Variants in GRXCR1 observed in about 807,000 individuals in gnomAD.
GRXCR1 encodes glutaredoxin domain-containing cysteine-rich protein 1.
GRXCR1 carries 27 observed loss-of-function variants against 27.3 expected under a neutral mutation model. That is an observed-to-expected ratio of 0.99 (90% CI 0.73 to 1.37). The LOEUF is 1.37. Among genes scored for constraint, GRXCR1 ranks in the 40% most tolerant of loss-of-function variants. The pLI, the probability that GRXCR1 is intolerant of heterozygous loss-of-function variation, is 0.00. For synonymous variants in GRXCR1, 122 were observed against 131.1 expected, an observed-to-expected ratio of 0.93 and a Z score of 0.47; for missense variants, 379 against 354.4, an observed-to-expected ratio of 1.07 and a Z score of -0.56.
intron 1 of GRXCR1, among the ~76,000 whole-genome samples, chr4:42,962,668 G>A (rs1475291664): frequency 6.6e-6 from 1 of 151,892 alleles, no homozygotes; most frequent in Non-Finnish European, 1.5e-5. Flanking sequence ...TACTTGATAT[G>A]CTACTGAGAA....
intron 1 of GRXCR1, among the ~76,000 whole-genome samples, chr4:42,923,577 T>G (rs1179431343): frequency 6.6e-6 from 1 of 152,108 alleles, no homozygotes; most frequent in East Asian, 1.9e-4. Flanking sequence ...TGATTGTAAT[T>G]TGGCTTTAAA....
intron 1 of GRXCR1, among the ~76,000 whole-genome samples, chr4:42,934,381 T>C (rs1159960473): frequency 6.6e-6 from 1 of 151,596 alleles, no homozygotes; most frequent in African/African-American, 2.4e-5. Flanking sequence ...AGAAATTCAG[T>C]TTAACATCTT....
intron 1 of GRXCR1, among the ~76,000 whole-genome samples, chr4:42,923,219 G>C (rs914032036): frequency 6.6e-6 from 1 of 152,052 alleles, no homozygotes; most frequent in Admixed American, 6.6e-5. Flanking sequence ...CTACTCAATG[G>C]TCCTCTGTCC....
Position 42,991,853 on chromosome 4 carries a change from C to T in GRXCR1, c.628-28501C>T, listed in dbSNP as rs756751107. On this transcript the variant is annotated intron_variant, in intron 2 of 3. Coordinates refer to ENST00000399770, the MANE Select transcript of GRXCR1 (RefSeq NM_001080476.3). ...CCCTTGGAGACAATATTGCCCTCAT[C>T]GAGAATGCTGCACAGAGGGGTTTCA... 8.8e-4 allele frequency among the ~76,000 whole-genome samples: 134 copies of T among 152,070 alleles called. 1 individual carries two copies. The highest frequency in any genetic ancestry group is 1.7e-3 in the Non-Finnish European group (118 of 67,976).
intron 1 of GRXCR1, among the ~76,000 whole-genome samples, chr4:42,934,227 G>A (rs1356896920): frequency 3.3e-5 from 4 of 121,530 alleles, no homozygotes; most frequent in Non-Finnish European, 6.7e-5. Flanking sequence ...TGTTATATGT[G>A]TATGATGTGA....
chr4:43,006,578 A>G (rs959593223), intron 2 of GRXCR1, among the ~76,000 whole-genome samples: 84 of 152,306 alleles, frequency 5.5e-4, no homozygotes, highest in Middle Eastern at 6.8e-3. Flanking sequence ...CCCACCTAAT[A>G]AATTTTGGTC....
At chr4:42,895,643 G>T (rs1269539535) in intron 1 of GRXCR1, among the ~76,000 whole-genome samples, 3 of 152,008 alleles carry the variant, frequency 2.0e-5, no homozygotes, top group African/African-American at 7.2e-5. Flanking sequence ...TGCATGAATG[G>T]TACCCCTTAA....
chr4:42,946,689 C>T (rs1208147940), intron 1 of GRXCR1, among the ~76,000 whole-genome samples: 1 of 152,136 alleles, frequency 6.6e-6, no homozygotes, highest in Non-Finnish European at 1.5e-5. Flanking sequence ...AAACCCAGTT[C>T]CCTCTGGCCT....
intron 1 of GRXCR1, among the ~76,000 whole-genome samples, chr4:42,930,222 C>G (rs1233826818): frequency 6.6e-6 from 1 of 152,018 alleles, no homozygotes; most frequent in African/African-American, 2.4e-5. Flanking sequence ...GATCCCAGCA[C>G]AGCAGAAGCA....
At position 42,925,525 on chromosome 4, in the gene GRXCR1, G is replaced by A. The variant is rs547179269; in HGVS notation, c.384+31875G>A. On this transcript the variant is annotated intron_variant, in intron 1 of 3. Coordinates refer to ENST00000399770, the MANE Select transcript of GRXCR1 (RefSeq NM_001080476.3). ...TTCAGTTGCCTGCTCATTTTTTTCC[G>A]GCAATTTGGTTATCATTGCCATTTA... Among the ~76,000 whole-genome samples the A allele has an allele frequency of 5.7e-4, 87 of 151,800 alleles. 1 individual carries two copies. The highest frequency in any genetic ancestry group is 7.0e-4 in the African/African-American group (29 of 41,422).
intron 1 of GRXCR1, among the ~76,000 whole-genome samples, chr4:42,921,916 C>T (rs1747020868): frequency 6.6e-6 from 1 of 152,018 alleles, no homozygotes; most frequent in South Asian, 2.1e-4. Flanking sequence ...GTCCACATGC[C>T]TGTGTTGCAG....
chr4:43,009,808 T>G (rs541561542), intron 2 of GRXCR1, among the ~76,000 whole-genome samples: 1 of 152,182 alleles, frequency 6.6e-6, no homozygotes, highest in African/African-American at 2.4e-5. Context: ...TTTGAACATA[T>G]GACTTTTGCT....
chr4:42,978,867 G>A (rs1268021542), intron 2 of GRXCR1, among the ~76,000 whole-genome samples: 1 of 151,920 alleles, frequency 6.6e-6, no homozygotes, highest in African/African-American at 2.4e-5. Context: ...ATTTAATCAT[G>A]GGGGCAGTTT....
intron 1 of GRXCR1, among the ~76,000 whole-genome samples, chr4:42,926,321 G>C (rs929124594): frequency 6.6e-5 from 10 of 151,998 alleles, no homozygotes; most frequent in African/African-American, 2.2e-4. Flanking sequence ...AGCTCCATAT[G>C]AGCAGAAATT....
At chr4:42,943,472 T>C (rs1747670224) in intron 1 of GRXCR1, among the ~76,000 whole-genome samples, 2 of 152,014 alleles carry the variant, frequency 1.3e-5, no homozygotes, top group African/African-American at 4.8e-5. Flanking sequence ...ATAAGATCCC[T>C]GGGCCCAGTT....
At chr4:42,927,629 A>G (rs1479080117) in intron 1 of GRXCR1, among the ~76,000 whole-genome samples, 1 of 152,022 alleles carries the variant, frequency 6.6e-6, no homozygotes, top group Non-Finnish European at 1.5e-5. Flanking sequence ...ATAGAATAAG[A>G]TGATTTAAAT....
At chr4:42,964,254 T>G (rs1748190068) in intron 2 of GRXCR1, among the ~76,000 whole-genome samples, 2 of 151,936 alleles carry the variant, frequency 1.3e-5, no homozygotes, top group Admixed American at 1.3e-4. Flanking sequence ...ATAATAATAG[T>G]AATAATAACA....
chr4:42,967,196 T>C (rs958850296), intron 2 of GRXCR1, among the ~76,000 whole-genome samples: 1 of 152,112 alleles, frequency 6.6e-6, no homozygotes, highest in Non-Finnish European at 1.5e-5. Context: ...GACATTTAAG[T>C]CTTTATATTG....
chr4:43,010,039 A>T (rs1013428397), intron 2 of GRXCR1, among the ~76,000 whole-genome samples: 3 of 152,086 alleles, frequency 2.0e-5, no homozygotes, highest in African/African-American at 7.2e-5. Flanking sequence ...ACCTCCCTTT[A>T]GGTTGAACTC....
Sources: gnomAD v4.1 joint callset for allele counts (sites outside exome capture counted in the v4.1 genomes callset) on GRCh38, gnomAD v4.1.1 for gene constraint, MANE v1.5 for transcripts, NCBI Gene and HGNC (gene_info 2026-07-23, HGNC 2026-07-21) for gene names.